The following TLR1 variants were observed in gnomAD, a reference collection of about 807,000 sequenced individuals.
The protein encoded by TLR1 is toll-like receptor 1.
In TLR1, 19 loss-of-function variants were observed where a neutral mutation model predicts 20.2. The ratio of observed to expected loss-of-function variants is 0.94; its 90% confidence interval spans 0.66 to 1.38. TLR1 has a LOEUF of 1.38. Among genes scored for constraint, TLR1 ranks in the 40% most tolerant of loss-of-function variants. TLR1 has a pLI of 0.00. For missense variants in TLR1, 921 were observed against 910.0 expected, an observed-to-expected ratio of 1.01 and a Z score of -0.16; for synonymous variants, 320 against 334.5, an observed-to-expected ratio of 0.96 and a Z score of 0.47.
downstream of TLR1, among the ~76,000 whole-genome samples, chr4:38,787,630 G>T (rs573682273): frequency 1.3e-5 from 2 of 151,738 alleles, no homozygotes; most frequent in East Asian, 1.9e-4. Flanking sequence ...ATATTATTTC[G>T]CAAGTACTCA....
chr4:38,797,562 T>G lies in TLR1; in HGVS notation c.1270A>C (p.Ser424Arg). The part of the protein sequence containing the change: ...EKKGDCSWTK[S>R]LLSLNMSSNI... ...GAAGACATATTTAAACTTAATAAAC[T>G]TTTAGTCCAAGAACAGTCTCCTTTC... The change falls in exon 4 of 4, where the codon AGT (serine) becomes CGT (arginine). Residue 424 changes from serine to arginine, a missense_variant. Ser to Arg is a moderately radical substitution (Grantham distance 110). Transcript: ENST00000308979. 3.1e-6 allele frequency: 5 copies of G among 1,613,514 alleles called. No individual in the cohort carries two copies. Among genetic ancestry groups the G allele is most frequent in the Non-Finnish European group, 4.2e-6 (5 of 1,179,906 alleles).
chr4:38,798,231 CTTTG>C lies in TLR1; in HGVS notation c.597_600del (p.Asn199LysfsTer14), dbSNP rs1009497641. On this transcript the variant is annotated frameshift_variant, in exon 4 of 4. Transcript: ENST00000308979. LOFTEE classifies it low-confidence loss of function (END_TRUNC). ...GACACATCCAAAATAAAATGGAATTCTTTGTTTGTGGGGAACACAATGTGCAGAC... is the reference window on the plus strand; with the variant it reads ...GACACATCCAAAATAAAATGGAATTCTTTGTGGGGAACACAATGTGCAGAC... The C allele has an allele frequency of 6.2e-7, 1 of 1,613,594 alleles. No individual in the cohort carries two copies. Among genetic ancestry groups the C allele is most frequent in the Non-Finnish European group, 8.5e-7 (1 of 1,179,776 alleles).
chr4:38,794,983 G>A (rs1390635018), downstream of TLR1, among the ~76,000 whole-genome samples: 1 of 152,180 alleles, frequency 6.6e-6, no homozygotes. Flanking sequence ...CAGGACTCAA[G>A]AGTGACCCGA....
rs778712360 is a variant in TLR1 at position 38,796,777 on chromosome 4, G to A, written c.2055C>T (p.Thr685=). The A allele has an allele frequency of 1.6e-5, 26 of 1,614,104 alleles. No homozygotes were observed. The highest frequency in any genetic ancestry group is 3.3e-5 in the South Asian group (3 of 91,092). Residue 685 remains threonine, a synonymous_variant, in exon 4 of 4, where the codon ACC becomes ACT. Transcript: ENST00000308979. ...TGGACTTGTAACTCTTCTCAATGCA[G>A]GTGATGATATTTTCCACAATGCTCT... ...PGKSIVENII[T]CIEKSYKSIF...
chr4:38,804,902 T>C (rs916333393), upstream of TLR1: 2 of 152,240 alleles, frequency 1.3e-5, no homozygotes, highest in African/African-American at 4.8e-5. Context: ...TCCACTGGAA[T>C]TACATTACAT....
chr4:38,787,944 C>G (rs550412025), downstream of TLR1, among the ~76,000 whole-genome samples: 1 of 152,274 alleles, frequency 6.6e-6, no homozygotes, highest in African/African-American at 2.4e-5. Context: ...CCCCTGACTC[C>G]CGCTCCCACT....
rs1726063773 is a variant in TLR1, at chr4:38,796,511, G to A, written c.2321C>T (p.Ala774Val). ...KRGLFWANLR[A>V]AINIKLTEQA... Reference sequence around the variant, plus strand: ...CTCTGTCAGCTTAATATTAATGGCTGCCCTTAAGTTAGCCCAAAAAAGGCC... The same window carrying A: ...CTCTGTCAGCTTAATATTAATGGCTACCCTTAAGTTAGCCCAAAAAAGGCC... The change falls in exon 4 of 4, where the codon GCA (alanine) becomes GTA (valine). Residue 774 changes from alanine (A) to valine (V), a missense_variant. Ala to Val is a moderately conservative substitution (Grantham distance 64, BLOSUM62 0). Coordinates refer to ENST00000308979, the MANE Select transcript of TLR1 (RefSeq NM_003263.4). 2 of 1,613,372 alleles carry A rather than the reference G, an allele frequency of 1.2e-6. No individual in the cohort carries two copies. The highest frequency in any genetic ancestry group is 1.7e-6 in the Non-Finnish European group (2 of 1,179,388).
downstream of TLR1, among the ~76,000 whole-genome samples, chr4:38,792,427 C>T (rs1725767980): frequency 6.6e-6 from 1 of 152,122 alleles, no homozygotes. Flanking sequence ...TAGTTGAAAT[C>T]ATAGTGTACA....
At position 38,796,566 on chromosome 4, in the gene TLR1, A is replaced by T; in HGVS notation, c.2266T>A (p.Leu756Met). The change falls in exon 4 of 4, where the codon TTG becomes ATG. Residue 756 changes from leucine (L) to methionine (M), a missense_variant. Physicochemically the swap from Leu to Met is conservative, Grantham distance 15. Transcript: ENST00000308979. ...LKSLMARRTY[L>M]EWPKEKSKRG... ...TTGCTCTTTTCCTTGGGCCATTCCA[A>T]ATAAGTCCTCCTGGCCATGAGACTT... 3.7e-6 allele frequency: 6 copies of T among 1,614,180 alleles called. No homozygotes were observed. Among genetic ancestry groups the T allele is most frequent in the Non-Finnish European group, 4.2e-6 (5 of 1,180,030 alleles).
intron 3 of TLR1, among the ~76,000 whole-genome samples, chr4:38,799,657 T>C (rs1327508024): frequency 6.6e-6 from 1 of 152,234 alleles, no homozygotes; most frequent in African/African-American, 2.4e-5. Flanking sequence ...CTTTCACTCT[T>C]TGACGTACAT....
downstream of TLR1, among the ~76,000 whole-genome samples, chr4:38,790,465 TTGTA>T (rs376250799): frequency 4.5e-4 from 68 of 152,346 alleles, no homozygotes; most frequent in African/African-American, 1.5e-3. Flanking sequence ...TTCTGATTCT[TTGTA>T]TGTAACCTGG....
downstream of TLR1, among the ~76,000 whole-genome samples, chr4:38,791,511 T>A (rs529266781): frequency 6.6e-6 from 1 of 152,346 alleles, no homozygotes; most frequent in African/African-American, 2.4e-5. Flanking sequence ...AATTTCTTAT[T>A]TCCCCATTTG....
chr4:38,788,045 G>A (rs76723886), downstream of TLR1, among the ~76,000 whole-genome samples: 3,019 of 152,218 alleles, frequency 0.02, 115 homozygotes, highest in African/African-American at 0.068. Flanking sequence ...TATCCCAAAG[G>A]CTTTAGGGGC....
In TLR1 at chr4:38,797,508, A is replaced by G. The variant is rs773682011; in HGVS notation, c.1324T>C (p.Cys442Arg). 26 of 1,614,096 alleles carry G rather than the reference A, an allele frequency of 1.6e-5. 1 individual carries two copies. The South Asian group carries it at 2.9e-4, about 18-fold the overall frequency. ...AGTACCTTGATCCTGGGAGGTAAAC[A>G]TCTGAAAATAGTGTCAGTAAGTATA... is the stretch of plus-strand genomic sequence containing the variant. The part of the protein sequence containing the change: ...SNILTDTIFR[C>R]LPPRIKVLDL... The change falls in exon 4 of 4, where the codon TGT becomes CGT. Residue 442 changes from cysteine to arginine, a missense_variant. Transcript: ENST00000308979.
In TLR1 at chr4:38,798,174, T is replaced by C. The variant is rs781411631; in HGVS notation, c.658A>G (p.Asn220Asp). 1.9e-6 allele frequency: 3 copies of C among 1,614,110 alleles called. No homozygotes were observed. The highest frequency in any genetic ancestry group is 2.5e-6 in the Non-Finnish European group (3 of 1,179,984). ...TTATCTTCTAGCACACATTTGATAT[T>C]AGATAGTTCCAGATTTGCTACAGTC... ...VKTVANLELSNIKCVLEDNKC... is the reference protein window; with the variant it reads ...VKTVANLELSDIKCVLEDNKC... Residue 220 changes from asparagine to aspartate, a missense_variant, in exon 4 of 4, where the codon AAT (asparagine) becomes GAT (aspartate). Physicochemically the swap from Asn to Asp is conservative, Grantham distance 23 (BLOSUM62 1). Coordinates refer to ENST00000308979, the MANE Select transcript of TLR1 (RefSeq NM_003263.4).
At position 38,798,226 on chromosome 4, in the gene TLR1, G is replaced by A. The variant is rs775736270; in HGVS notation, c.606C>T (p.Phe202=). ...TGACTGACACATCCAAAATAAAATG[G>A]AATTCTTTGTTTGTGGGGAACACAA... is the stretch of plus-strand genomic sequence containing the variant. ...LHIVFPTNKE[F]HFILDVSVKT... Residue 202 remains phenylalanine (F), a synonymous_variant, in exon 4 of 4, where the codon TTC becomes TTT. Coordinates refer to ENST00000308979, the MANE Select transcript of TLR1 (RefSeq NM_003263.4). 5 of 1,613,674 alleles carry A rather than the reference G, an allele frequency of 3.1e-6. No homozygotes were observed. The highest frequency in any genetic ancestry group is 3.3e-4 in the Middle Eastern group (2 of 6,084).
In TLR1 at chr4:38,798,556, G is replaced by A. The variant is rs146309534; in HGVS notation, c.276C>T (p.Asn92=). The part of the protein sequence containing the change: ...QYLDISVFKF[N]QELEYLDLSH... ...ACAAATCCAAGTATTCCAATTCCTG[G>A]TTGAATTTGAAAACACTGATATCAA... The change falls in exon 4 of 4, where the codon AAC becomes AAT. Residue 92 remains asparagine (N), a synonymous_variant. Transcript: ENST00000308979. The A allele has an allele frequency of 1.2e-5, 19 of 1,613,948 alleles. No homozygotes were observed. The African/African-American group carries it at 1.7e-4, about 15-fold the overall frequency.
Position 38,796,534 on chromosome 4 carries a change from G to T in TLR1, c.2298C>A (p.Gly766=). 1.2e-6 allele frequency: 2 copies of T among 1,614,138 alleles called. No homozygotes were observed. The highest frequency in any genetic ancestry group is 2.2e-5 in the East Asian group (1 of 44,880). Residue 766 remains glycine, a synonymous_variant, in exon 4 of 4, where the codon GGC becomes GGA. Transcript: ENST00000308979. ...CTGCCCTTAAGTTAGCCCAAAAAAG[G>T]CCACGTTTGCTCTTTTCCTTGGGCC... ...LEWPKEKSKR[G]LFWANLRAAI...
intron 2 of TLR1, among the ~76,000 whole-genome samples, chr4:38,801,759 T>A (rs1396719806): frequency 6.6e-6 from 1 of 152,150 alleles, no homozygotes; most frequent in East Asian, 1.9e-4. Context: ...ACAACAGCTA[T>A]CATCACAAAA....
Sources: allele counts gnomAD v4.1 joint callset (sites outside exome capture counted in the v4.1 genomes callset), GRCh38; gene constraint gnomAD v4.1.1; transcripts MANE v1.5; gene names NCBI Gene and HGNC (gene_info 2026-07-23, HGNC 2026-07-21).